The following C11orf24 variants were observed in gnomAD, a reference collection of about 807,000 sequenced individuals.
The protein encoded by C11orf24 is uncharacterized protein C11orf24.
Under a neutral mutation model 7.3 loss-of-function variants are expected in C11orf24, and 5 were observed. The observed-to-expected ratio is 0.69, with a 90% CI of 0.36 to 1.45. C11orf24 has a LOEUF of 1.45. Ranked by LOEUF, C11orf24 falls within the 40% of genes most tolerant of loss-of-function variation. C11orf24 has a pLI of 0.03. For synonymous variants in C11orf24, 233 were observed against 235.7 expected, an observed-to-expected ratio of 0.99 and a Z score of 0.11; for missense variants, 566 against 590.5, an observed-to-expected ratio of 0.96 and a Z score of 0.43.
intron 2 of C11orf24, among the ~76,000 whole-genome samples, chr11:68,266,143 C>T (rs2098564964): frequency 6.6e-6 from 1 of 152,228 alleles, no homozygotes; most frequent in South Asian, 2.1e-4. Context: ...ACTCCAGCTC[C>T]CATGCTCACT....
At chr11:68,264,547 C>T (rs2098563758) in intron 2 of C11orf24, among the ~76,000 whole-genome samples, 1 of 133,910 alleles carries the variant, frequency 7.5e-6, no homozygotes, top group African/African-American at 2.8e-5. Flanking sequence ...TCCATCCATC[C>T]ATCCATCCAC....
Position 68,262,735 on chromosome 11 carries a change from G to A in C11orf24, c.260C>T (p.Thr87Ile). The change falls in exon 4 of 4, where the codon ACA becomes ATA. Residue 87 changes from threonine (T) to isoleucine (I), a missense_variant. Physicochemically the swap from Thr to Ile is moderately conservative, Grantham distance 89. Transcript: ENST00000304271. The stretch of plus-strand genomic sequence containing the variant: ...TGAAGTTGCTGGTTCACTCACATCT[G>A]TCCTGCTTGTGTCCTCTGTTGTGAC... ...MEVTTEDTSR[T>I]DVSEPATSGG... The A allele has an allele frequency of 6.2e-7, 1 of 1,614,182 alleles. No homozygotes were observed. Among genetic ancestry groups the A allele is most frequent in the Non-Finnish European group, 8.5e-7 (1 of 1,180,034 alleles).
At chr11:68,263,463 C>T in intron 3 of C11orf24, 1 of 542,162 alleles carries the variant, frequency 1.8e-6, no homozygotes, top group Non-Finnish European at 3.3e-6. Flanking sequence ...TCTTGCAGGC[C>T]AAGCGAGCAA....
In C11orf24 at chr11:68,261,925, G is replaced by C; in HGVS notation, c.1070C>G (p.Ser357Cys). 1 of 1,613,954 alleles carries C rather than the reference G, an allele frequency of 6.2e-7. No individual in the cohort carries two copies. The highest frequency in any genetic ancestry group is 8.5e-7 in the Non-Finnish European group (1 of 1,180,036). Residue 357 changes from serine (S) to cysteine (C), a missense_variant, in exon 4 of 4, where the codon TCC (serine) becomes TGC (cysteine). Ser to Cys is a moderately radical substitution (Grantham distance 112). Transcript: ENST00000304271. ...TGAGCTCCTGGGTGTTGGCCCAGTG[G>C]AATCAGTACCTGGTGTGGCTTCAGT... ...VETEATPGTD[S>C]TGPTPRSSGG... is the part of the protein sequence containing the mutation.
At chr11:68,268,751 CT>C (rs2153104304) in intron 1 of C11orf24, among the ~76,000 whole-genome samples, 1 of 152,304 alleles carries the variant, frequency 6.6e-6, no homozygotes, top group East Asian at 1.9e-4. Context: ...ACTGCAGTTT[CT>C]TTTAAGGAAG....
At chr11:68,269,834 G>A (rs1283204101) in intron 1 of C11orf24, among the ~76,000 whole-genome samples, 1 of 152,166 alleles carries the variant, frequency 6.6e-6, no homozygotes, top group East Asian at 1.9e-4. Flanking sequence ...GTGTAGTCGA[G>A]AACAGGCCTT....
rs1486515396 is a variant in C11orf24, at chr11:68,262,642, G to A, written c.353C>T (p.Ser118Phe). 1 of 1,614,042 alleles carries A rather than the reference G, an allele frequency of 6.2e-7. No individual in the cohort carries two copies. The highest frequency in any genetic ancestry group is 1.3e-5 in the African/African-American group (1 of 75,020). ...CATACTGGAGGCCGCAGTCGTAATG[G>A]AGGCCGCAGTCGTACTGGAGGCCAC... is the stretch of plus-strand genomic sequence containing the variant. ...TAVASSTTAA[S>F]ITTAASSMTV... The change falls in exon 4 of 4, where the codon TCC (serine) becomes TTC (phenylalanine). Residue 118 changes from serine (S) to phenylalanine (F), a missense_variant. Ser to Phe is a radical substitution (Grantham distance 155, BLOSUM62 -2). Coordinates refer to ENST00000304271, the MANE Select transcript of C11orf24 (RefSeq NM_022338.4).
intron 2 of C11orf24, chr11:68,267,250 A>T (rs1466297352): frequency 6.6e-6 from 1 of 152,198 alleles, no homozygotes; most frequent in Non-Finnish European, 1.5e-5. Context: ...GATCAGACTC[A>T]ATGTACTGAA....
chr11:68,262,053 G>T lies in C11orf24; in HGVS notation c.942C>A (p.Ile314=). 1.2e-6 allele frequency: 2 copies of T among 1,612,330 alleles called. No homozygotes were observed. The highest frequency in any genetic ancestry group is 1.7e-6 in the Non-Finnish European group (2 of 1,179,172). Residue 314 remains isoleucine, a synonymous_variant, in exon 4 of 4, where the codon ATC becomes ATA. Transcript: ENST00000304271. The stretch of plus-strand genomic sequence containing the variant: ...TGGGGGACATGGCCTCCATCTCAGG[G>T]ATTGGGCTGGTGTGAGGTACTGGCA... ...SPVPVPHTSP[I]PEMEAMSPTT...
Position 68,261,834 on chromosome 11 carries a change from G to A in C11orf24, c.1161C>T (p.Val387=). 1 of 1,614,162 alleles carries A rather than the reference G, an allele frequency of 6.2e-7. No individual in the cohort carries two copies. The highest frequency in any genetic ancestry group is 8.5e-7 in the Non-Finnish European group (1 of 1,180,048). Residue 387 remains valine, a synonymous_variant, in exon 4 of 4, where the codon GTC becomes GTT. Transcript: ENST00000304271. ...QPSTQGQYMV[V]TTEPLTQAVV... is the part of the protein sequence containing the mutation. ...CGGCCTGGGTGAGGGGCTCAGTGGT[G>A]ACCACCATGTACTGGCCTTGGGTGC...
chr11:68,264,693 C>T, intron 2 of C11orf24, among the ~76,000 whole-genome samples: 1 of 141,304 alleles, frequency 7.1e-6, no homozygotes, highest in African/African-American at 2.7e-5. Context: ...TCTATCCATC[C>T]ATCCACCCAC....
chr11:68,262,584 G>A lies in C11orf24; in HGVS notation c.411C>T (p.Ala137=). Reference sequence around the variant, plus strand: ...CAATGGAGGCCACAGTTGTACTGGAGGCTGCAGTCGTGGGAGCACTGGAGG... The same window carrying A: ...CAATGGAGGCCACAGTTGTACTGGAAGCTGCAGTCGTGGGAGCACTGGAGG... ...TVASSAPTTA[A]SSTTVASIAP... is the part of the protein sequence containing the mutation. Residue 137 remains alanine (A), a synonymous_variant, in exon 4 of 4, where the codon GCC becomes GCT. Transcript: ENST00000304271. 3 of 1,608,646 alleles carry A rather than the reference G, an allele frequency of 1.9e-6. No individual in the cohort carries two copies. The highest frequency in any genetic ancestry group is 2.6e-6 in the Non-Finnish European group (3 of 1,175,936).
In C11orf24 at chr11:68,261,831, G is replaced by A. The variant is rs1418209095; in HGVS notation, c.1164C>T (p.Thr388=). 1 of 1,614,160 alleles carries A rather than the reference G, an allele frequency of 6.2e-7. No individual in the cohort carries two copies. Among genetic ancestry groups the A allele is most frequent in the Non-Finnish European group, 8.5e-7 (1 of 1,180,046 alleles). ...CCACGGCCTGGGTGAGGGGCTCAGT[G>A]GTGACCACCATGTACTGGCCTTGGG... is the stretch of plus-strand genomic sequence containing the variant. ...PSTQGQYMVV[T]TEPLTQAVVD... is the part of the protein sequence containing the mutation. Residue 388 remains threonine, a synonymous_variant, in exon 4 of 4, where the codon ACC becomes ACT. Transcript: ENST00000304271.
At chr11:68,263,016 C>T (rs973964871) in intron 3 of C11orf24, 98 bp from the exon 4 acceptor site, 32 of 1,016,202 alleles carry the variant, frequency 3.1e-5, no homozygotes, top group Non-Finnish European at 4.6e-5. Context: ...CTGTGGGGCC[C>T]CCTCCTCAGC....
At chr11:68,263,185 C>A in intron 3 of C11orf24, 1 of 516,500 alleles carries the variant, frequency 1.9e-6, no homozygotes, top group Non-Finnish European at 3.5e-6. Flanking sequence ...CAGACCTTCA[C>A]TATTTGATCC....
At position 68,262,664 on chromosome 11, in the gene C11orf24, C is replaced by A. The variant is rs2098562538; in HGVS notation, c.331G>T (p.Ala111Ser). ...GVTSIAPTAVASSTTAASITT... is the reference protein window; with the variant it reads ...GVTSIAPTAVSSSTTAASITT... The stretch of plus-strand genomic sequence containing the variant: ...ATGGAGGCCGCAGTCGTACTGGAGG[C>A]CACAGCCGTGGGAGCAATGGAGGTC... Residue 111 changes from alanine to serine, a missense_variant, in exon 4 of 4, where the codon GCC (alanine) becomes TCC (serine). Ala to Ser is a moderately conservative substitution (Grantham distance 99). Transcript: ENST00000304271. 7.4e-6 allele frequency: 12 copies of A among 1,613,932 alleles called. No homozygotes were observed. The highest frequency in any genetic ancestry group is 1.1e-5 in the South Asian group (1 of 91,076).
Position 68,261,576 on chromosome 11 carries a change from G to C in C11orf24, c.*69C>G. ...GCACCAAAAGAATTTGGAAGCACTT[G>C]GTTTGGTCTCAAAGGCAAAAGGAAA... On this transcript the variant is annotated 3_prime_UTR_variant, in exon 4 of 4. Transcript: ENST00000304271. 7.2e-7 allele frequency: 1 copy of C among 1,398,044 alleles called. No individual in the cohort carries two copies. The highest frequency in any genetic ancestry group is 1.4e-5 in the South Asian group (1 of 73,364). 86.6% of individuals were successfully genotyped at this position (1,398,044 alleles called of 1,614,324 possible).
chr11:68,262,901 TGTTAGGGACA>T lies in C11orf24; in HGVS notation c.84_93del (p.Phe28LeufsTer7). 6.2e-7 allele frequency: 1 copy of T among 1,613,512 alleles called. No homozygotes were observed. Among genetic ancestry groups the T allele is most frequent in the Non-Finnish European group, 8.5e-7 (1 of 1,179,728 alleles). On this transcript the variant is annotated frameshift_variant, in exon 4 of 4. Coordinates refer to ENST00000304271, the MANE Select transcript of C11orf24 (RefSeq NM_022338.4). LOFTEE classifies it low-confidence loss of function (END_TRUNC). ...CTCTTGACTAATCCCTTCCACATTT[TGTTAGGGACA>T]AAGTTGCCTTAAAGTCAGAAAAAGG...
chr11:68,269,226 A>C (rs868507523), intron 1 of C11orf24, among the ~76,000 whole-genome samples: 3 of 152,290 alleles, frequency 2.0e-5, no homozygotes, highest in Non-Finnish European at 4.4e-5. Flanking sequence ...AGAAAGGCAC[A>C]GAGTTATCCC....
Sources: gnomAD v4.1 joint callset for allele counts (sites outside exome capture counted in the v4.1 genomes callset) on GRCh38, gnomAD v4.1.1 for gene constraint, MANE v1.5 for transcripts, NCBI Gene and HGNC (gene_info 2026-07-23, HGNC 2026-07-21) for gene names.